Variants in UNC5D observed in about 807,000 individuals in gnomAD.
UNC5D encodes netrin receptor UNC5D.
UNC5D carries 39 observed loss-of-function variants against 105.4 expected under a neutral mutation model. The observed-to-expected ratio is 0.37, with a 90% CI of 0.29 to 0.48. The LOEUF is 0.48. Ranked by LOEUF, UNC5D falls within the 20% of genes least tolerant of loss-of-function variation. The pLI, the probability that UNC5D is intolerant of heterozygous loss-of-function variation, is 0.98. For missense variants in UNC5D, 991 were observed against 1,202.4 expected (o/e 0.82, Z 2.60); for synonymous variants, 452 against 450.4 (o/e 1.00, Z -0.04).
At chr8:35,288,219 C>A (rs942380451) in intron 1 of UNC5D, among the ~76,000 whole-genome samples, 5 of 152,014 alleles carry the variant, frequency 3.3e-5, no homozygotes, top group African/African-American at 4.8e-5. Flanking sequence ...ATAAGCATAT[C>A]ACATTCAAGG....
At chr8:35,252,742 T>C (rs894938453) in intron 1 of UNC5D, among the ~76,000 whole-genome samples, 1 of 152,078 alleles carries the variant, frequency 6.6e-6, no homozygotes, top group Non-Finnish European at 1.5e-5. Context: ...TGTCTAATGG[T>C]ATACACTTTC....
intron 2 of UNC5D, among the ~76,000 whole-genome samples, chr8:35,556,418 A>G (rs2130728499): frequency 6.6e-6 from 1 of 152,264 alleles, no homozygotes; most frequent in East Asian, 1.9e-4. Flanking sequence ...TGGCAGTGTT[A>G]CAGAAAAGGG....
At chr8:35,282,665 T>C (rs1238575739) in intron 1 of UNC5D, among the ~76,000 whole-genome samples, 1 of 145,686 alleles carries the variant, frequency 6.9e-6, no homozygotes, top group Non-Finnish European at 1.5e-5. Context: ...AATGTGTGAT[T>C]TCTAAACTGA....
intron 8 of UNC5D, among the ~76,000 whole-genome samples, chr8:35,719,178 ACACACACACG>A (rs1220654184): frequency 6.1e-5 from 9 of 147,878 alleles, no homozygotes; most frequent in African/African-American, 2.1e-4. Context: ...ACACACACAC[ACACACACACG>A]ACTTTCTCCC....
At chr8:35,510,420 C>T (rs1179320132) in intron 1 of UNC5D, among the ~76,000 whole-genome samples, 2 of 151,468 alleles carry the variant, frequency 1.3e-5, no homozygotes, top group African/African-American at 2.4e-5. Context: ...TCACACACAT[C>T]GTTGCCTATG....
chr8:35,579,293 G>A (rs186472983), intron 3 of UNC5D, among the ~76,000 whole-genome samples: 327 of 152,284 alleles, frequency 2.1e-3, no homozygotes, highest in African/African-American at 7.6e-3. Context: ...GCCAAGTGGT[G>A]AAAGAATACT....
At chr8:35,588,783 G>A (rs1818962079) in intron 3 of UNC5D, among the ~76,000 whole-genome samples, 1 of 152,190 alleles carries the variant, frequency 6.6e-6, no homozygotes, top group Non-Finnish European at 1.5e-5. Context: ...GCTCATGACT[G>A]TAATCCCAGC....
At chr8:35,783,631 C>T (rs1307368798) in intron 16 of UNC5D, among the ~76,000 whole-genome samples, 2 of 152,188 alleles carry the variant, frequency 1.3e-5, no homozygotes, top group African/African-American at 4.8e-5. Context: ...CTTTCCATTG[C>T]TGTTATCTAA....
Position 35,488,500 on chromosome 8 carries a change from G to A in UNC5D, c.104-60792G>A, listed in dbSNP as rs186883176. Reference sequence around the variant, plus strand: ...CTCCTTCTGGGCTTTAGCAGTCCGGGTTGCCTCTGAGGGCCTTGGGGACTG... The same window carrying A: ...CTCCTTCTGGGCTTTAGCAGTCCGGATTGCCTCTGAGGGCCTTGGGGACTG... On this transcript the variant is annotated intron_variant, in intron 1 of 16. Coordinates refer to ENST00000404895, the MANE Select transcript of UNC5D (RefSeq NM_080872.4). Among the ~76,000 whole-genome samples the A allele has an allele frequency of 1.5e-4, 23 of 152,304 alleles. No individual in the cohort carries two copies. The East Asian group carries it at 4.4e-3, about 29-fold the overall frequency.
At chr8:35,704,744 T>C (rs1563686605) in intron 7 of UNC5D, among the ~76,000 whole-genome samples, 1 of 151,988 alleles carries the variant, frequency 6.6e-6, no homozygotes, top group Non-Finnish European at 1.5e-5. Flanking sequence ...GTGGTGGAGT[T>C]GTGTGAGCCT....
At chr8:35,291,879 A>T (rs1256270491) in intron 1 of UNC5D, among the ~76,000 whole-genome samples, 2 of 152,204 alleles carry the variant, frequency 1.3e-5, no homozygotes, top group Non-Finnish European at 2.9e-5. Flanking sequence ...TTTATTCTTC[A>T]TATACTGAAG....
intron 1 of UNC5D, among the ~76,000 whole-genome samples, chr8:35,304,293 C>T (rs1184703530): frequency 6.6e-6 from 1 of 151,942 alleles, no homozygotes; most frequent in Non-Finnish European, 1.5e-5. Flanking sequence ...TTTGACAGCA[C>T]ATTTTACTCT....
chr8:35,554,765 G>C (rs1053266077), intron 2 of UNC5D, among the ~76,000 whole-genome samples: 2 of 152,112 alleles, frequency 1.3e-5, no homozygotes, highest in African/African-American at 2.4e-5. Flanking sequence ...CCACCTCAGA[G>C]ATATCGAATT....
In UNC5D at chr8:35,549,278, T is replaced by C. The variant is rs1274954174; in HGVS notation, c.104-14T>C. On this transcript the variant is annotated splice_polypyrimidine_tract_variant and intron_variant, in intron 1 of 16. Coordinates refer to ENST00000404895, the MANE Select transcript of UNC5D (RefSeq NM_080872.4). ...AATGTAGGCTGTGTTCTGATGTCTT[T>C]TTTGATTTCACAGGAACTGACAATG... 6.2e-7 allele frequency: 1 copy of C among 1,612,362 alleles called. No homozygotes were observed. The highest frequency in any genetic ancestry group is 8.5e-7 in the Non-Finnish European group (1 of 1,179,918).
chr8:35,673,805 C>CT (rs1825003334), intron 4 of UNC5D, among the ~76,000 whole-genome samples: 1 of 152,166 alleles, frequency 6.6e-6, no homozygotes, highest in Non-Finnish European at 1.5e-5. Flanking sequence ...AAAGCAAATG[C>CT]TTTCCTATAA....
At chr8:35,735,775 C>CA (rs1239020709) in intron 11 of UNC5D, among the ~76,000 whole-genome samples, 7 of 152,088 alleles carry the variant, frequency 4.6e-5, no homozygotes, top group Non-Finnish European at 8.8e-5. Context: ...TTTTTCTTCC[C>CA]CAGTAGCAAA....
At chr8:35,443,758 T>C (rs959825741) in intron 1 of UNC5D, among the ~76,000 whole-genome samples, 1 of 151,968 alleles carries the variant, frequency 6.6e-6, no homozygotes, top group Non-Finnish European at 1.5e-5. Context: ...ATCATTGTCA[T>C]AAAGTAAATA....
chr8:35,357,938 A>G (rs1801650031), intron 1 of UNC5D, among the ~76,000 whole-genome samples: 1 of 151,858 alleles, frequency 6.6e-6, no homozygotes, highest in Non-Finnish European at 1.5e-5. Flanking sequence ...CTTGGTAGTG[A>G]AAAAAAAGCA....
At chr8:35,726,591 T>C in intron 10 of UNC5D, 62 bp downstream of exon 10, 1 of 1,569,304 alleles carries the variant, frequency 6.4e-7, no homozygotes, top group African/African-American at 1.3e-5. Context: ...TTTACACAGT[T>C]ACTTCCCATC....
Sources: gnomAD v4.1 joint callset for allele counts (sites outside exome capture counted in the v4.1 genomes callset) on GRCh38, gnomAD v4.1.1 for gene constraint, MANE v1.5 for transcripts, NCBI Gene and HGNC (gene_info 2026-07-23, HGNC 2026-07-21) for gene names.